Variants in ZFYVE27 observed in about 807,000 individuals in gnomAD.
ZFYVE27 encodes the protein protrudin.
In ZFYVE27, 36 loss-of-function variants were observed where a neutral mutation model predicts 52.8. The ratio of observed to expected loss-of-function variants is 0.68; its 90% CI spans 0.52 to 0.90. The LOEUF (loss-of-function observed/expected upper bound fraction) is 0.90. Among genes scored for constraint, ZFYVE27 ranks in the 40% least tolerant of loss-of-function variants. The pLI is 0.00. For missense variants in ZFYVE27, 450 were observed against 527.2 expected, an observed-to-expected ratio of 0.85 and a Z score of 1.43; for synonymous variants, 223 against 215.6, an observed-to-expected ratio of 1.03 and a Z score of -0.30.
intron 4 of ZFYVE27, among the ~76,000 whole-genome samples, chr10:97,745,426 G>A (rs1178078721): frequency 2.6e-5 from 4 of 151,992 alleles, no homozygotes; most frequent in Non-Finnish European, 4.4e-5. Flanking sequence ...TGATCCGCCC[G>A]CCTCGGCCTC....
chr10:97,749,831 A>T (rs2046455301), intron 6 of ZFYVE27, among the ~76,000 whole-genome samples: 1 of 152,202 alleles, frequency 6.6e-6, no homozygotes. Context: ...AAGGCAGATG[A>T]ATCACTGCTT....
chr10:97,749,279 AG>A (rs751712041), intron 5 of ZFYVE27, among the ~76,000 whole-genome samples, 194 bp from the exon 6 acceptor site: 10 of 152,366 alleles, frequency 6.6e-5, no homozygotes, highest in African/African-American at 2.4e-4. Context: ...CACCAGCATC[AG>A]GTGTTTGCAC....
intron 9 of ZFYVE27, 25 bp downstream of exon 9, chr10:97,752,902 G>A: frequency 6.2e-7 from 1 of 1,613,030 alleles, no homozygotes; most frequent in African/African-American, 1.3e-5. Context: ...TGGTGGGTGG[G>A]CAGGGGCTGG....
intron 4 of ZFYVE27, 47 bp downstream of exon 4, chr10:97,744,962 GC>G (rs1564812837): frequency 1.9e-6 from 3 of 1,538,900 alleles, no homozygotes; most frequent in Admixed American, 2.0e-5. Flanking sequence ...AGTAACAGCA[GC>G]CATGACACTA....
intron 11 of ZFYVE27, among the ~76,000 whole-genome samples, 159 bp downstream of exon 11, chr10:97,757,470 C>T (rs2048660918): frequency 6.6e-6 from 1 of 152,154 alleles, no homozygotes; most frequent in Non-Finnish European, 1.5e-5. Flanking sequence ...CCTGTGCCAC[C>T]TTTTACCAGC....
intron 4 of ZFYVE27, among the ~76,000 whole-genome samples, chr10:97,745,920 T>G (rs1564814997): frequency 6.6e-6 from 1 of 152,010 alleles, no homozygotes; most frequent in Non-Finnish European, 1.5e-5. Flanking sequence ...AACAGATGGC[T>G]GGGCCTCACC....
intron 12 of ZFYVE27, chr10:97,758,167 C>G (rs2048871481): frequency 6.5e-6 from 1 of 154,276 alleles, no homozygotes; most frequent in African/African-American, 2.4e-5. Context: ...CACAGATAAG[C>G]AAAAGGAAAA....
At chr10:97,745,942 G>A (rs182095213) in intron 4 of ZFYVE27, among the ~76,000 whole-genome samples, 146 of 151,706 alleles carry the variant, frequency 9.6e-4, no homozygotes, top group Non-Finnish European at 1.6e-3. Flanking sequence ...CAGAAATTCC[G>A]AGTCAGTTAT....
intron 4 of ZFYVE27, among the ~76,000 whole-genome samples, chr10:97,745,679 T>C (rs1459545758): frequency 6.6e-6 from 1 of 152,210 alleles, no homozygotes; most frequent in African/African-American, 2.4e-5. Flanking sequence ...TTGTGAAGAT[T>C]GAACAGGTGT....
intron 3 of ZFYVE27, among the ~76,000 whole-genome samples, chr10:97,743,712 C>T (rs1262897851): frequency 2.0e-5 from 3 of 152,196 alleles, no homozygotes; most frequent in African/African-American, 4.8e-5. Context: ...CTAACGGGAG[C>T]TGCTGGGCAG....
At chr10:97,754,694 C>G (rs1405264368) in intron 10 of ZFYVE27, 2 of 1,289,240 alleles carry the variant, frequency 1.6e-6, no homozygotes, top group East Asian at 5.5e-5. Flanking sequence ...TCCATACTTG[C>G]ACATGTGTGA....
intron 10 of ZFYVE27, chr10:97,754,729 G>A (rs990282138): frequency 1.6e-6 from 2 of 1,289,268 alleles, no homozygotes; most frequent in Non-Finnish European, 2.0e-6. Flanking sequence ...TACCGTAGGT[G>A]TGACAGGAGC....
intron 1 of ZFYVE27, 113 bp from the exon 2 acceptor site, chr10:97,738,364 A>T: frequency 8.8e-7 from 1 of 1,136,656 alleles, no homozygotes; most frequent in Non-Finnish European, 1.3e-6. Flanking sequence ...AGGTCTGAAT[A>T]GTTCACTTTC....
At chr10:97,756,648 T>C (rs2048406783) in intron 10 of ZFYVE27, among the ~76,000 whole-genome samples, 1 of 152,152 alleles carries the variant, frequency 6.6e-6, no homozygotes, top group Admixed American at 6.5e-5. Flanking sequence ...GCATCTCTGG[T>C]GGTTTAGGCA....
chr10:97,750,381 G>A lies in ZFYVE27; in HGVS notation c.715G>A (p.Glu239Lys). ...SLQQRMNPKQEEHAFESPPPP... is the reference protein window; with the variant it reads ...SLQQRMNPKQKEHAFESPPPP... ...GCAGCAGAGGATGAACCCAAAGCAG[G>A]AAGAGCATGCCTTTGAGAGTCCTCC... The change falls in exon 7 of 13, where the codon GAA (glutamate) becomes AAA (lysine). Residue 239 changes from glutamate to lysine, a missense_variant. Transcript: ENST00000684270. The A allele has an allele frequency of 6.2e-7, 1 of 1,614,192 alleles. No individual in the cohort carries two copies. Among genetic ancestry groups the A allele is most frequent in the Non-Finnish European group, 8.5e-7 (1 of 1,180,042 alleles).
intron 3 of ZFYVE27, among the ~76,000 whole-genome samples, chr10:97,744,188 G>T (rs1000113211): frequency 6.6e-6 from 1 of 152,176 alleles, no homozygotes; most frequent in African/African-American, 2.4e-5. Context: ...TTATGGGCCC[G>T]CTGCTCTGTT....
rs552750813 is a variant in ZFYVE27, at chr10:97,748,350, C to T, written c.537C>T (p.Pro179=). 28 of 1,614,088 alleles carry T rather than the reference C, an allele frequency of 1.7e-5. No homozygotes were observed. The highest frequency in any genetic ancestry group is 8.0e-5 in the African/African-American group (6 of 75,052). The change falls in exon 5 of 13, where the codon CCC becomes CCT. Residue 179 remains proline (P), a synonymous_variant. Coordinates refer to ENST00000684270, the MANE Select transcript of ZFYVE27 (RefSeq NM_001385875.1). ...AAYRVLHWEN[P]VVSSQFYGAL... The stretch of plus-strand genomic sequence containing the variant: ...ACCGCGTGCTGCACTGGGAGAACCC[C>T]GTCGTGTCCTCACAGTGAGTGACCC...
intron 7 of ZFYVE27, 159 bp from the exon 8 acceptor site, chr10:97,751,232 G>A (rs1315043649): frequency 2.6e-6 from 2 of 767,184 alleles, no homozygotes; most frequent in African/African-American, 3.4e-5. Flanking sequence ...CGCCCTGCCA[G>A]GCTAGAGGTT....
At chr10:97,751,517 C>T (rs1189577784) in intron 8 of ZFYVE27, 55 bp downstream of exon 8, 2 of 1,579,622 alleles carry the variant, frequency 1.3e-6, no homozygotes, top group Non-Finnish European at 1.7e-6. Flanking sequence ...TTGGGTGGTC[C>T]TGGAGCTGTT....
Sources: allele counts gnomAD v4.1 joint callset (sites outside exome capture counted in the v4.1 genomes callset), GRCh38; gene constraint gnomAD v4.1.1; transcripts MANE v1.5; gene names NCBI Gene and HGNC (gene_info 2026-07-23, HGNC 2026-07-21).